RAPGEF1: variants seen among roughly 807,000 people sequenced by gnomAD.
The protein encoded by RAPGEF1 is Rap guanine nucleotide exchange factor 1, also known as CRK SH3-binding GNRP.
Under a neutral mutation model 143.3 loss-of-function variants are expected in RAPGEF1, and 33 were observed. The ratio of observed to expected loss-of-function variants is 0.23; its 90% CI spans 0.17 to 0.31. RAPGEF1 has a LOEUF of 0.31. RAPGEF1 is among the 10% of genes least tolerant of loss of function. The pLI is 1.00. For missense variants in RAPGEF1, 1,199 were observed against 1,645.4 expected (o/e 0.73, Z 4.69); for synonymous variants, 629 against 676.5 (o/e 0.93, Z 1.09).
In RAPGEF1 at chr9:131,737,628, C is replaced by T. The variant is rs575541415; in HGVS notation, c.61+2142G>A. 4.5e-5 allele frequency: 64 copies of T among 1,428,428 alleles called. No homozygotes were observed. In the African/African-American group the frequency reaches 8.0e-4, roughly 18 times the overall value. The allele number at this position is 1,428,428 out of a possible 1,614,324, so 88.5% of individuals were successfully genotyped here. On this transcript the variant is annotated intron_variant, in intron 1 of 26. Coordinates refer to ENST00000683357, the MANE Select transcript of RAPGEF1 (RefSeq NM_001377935.1). ...AAATGAAGAGTCATTTCATTCCCAG[C>T]GGTTTGGGCAGCTCATGGGATGACA...
At chr9:131,736,753 T>A (rs1166262265) in intron 1 of RAPGEF1, among the ~76,000 whole-genome samples, 1 of 152,218 alleles carries the variant, frequency 6.6e-6, no homozygotes, top group Non-Finnish European at 1.5e-5. Context: ...AAAACGCTGG[T>A]TCTTCTACTT....
chr9:131,733,365 C>CGGG (rs56890673), intron 1 of RAPGEF1, among the ~76,000 whole-genome samples: 2 of 75,286 alleles, frequency 2.7e-5, no homozygotes, highest in Admixed American at 1.4e-4. Flanking sequence ...GGGGCGGGGG[C>CGGG]GGGGGGGGGG....
intron 1 of RAPGEF1, among the ~76,000 whole-genome samples, chr9:131,657,121 C>A (rs959194965): frequency 2.0e-5 from 3 of 152,188 alleles, no homozygotes; most frequent in Admixed American, 2.0e-4. Context: ...TCACACTATG[C>A]CTTTGAGTGC....
rs547617690 is a variant in RAPGEF1 at position 131,583,032 on chromosome 9, T to C, written c.3415-330A>G. 6.6e-6 allele frequency among the ~76,000 whole-genome samples: 1 copy of C among 152,298 alleles called. No homozygotes were observed. Among genetic ancestry groups the C allele is most frequent in the East Asian group, 1.9e-4 (1 of 5,186 alleles). On this transcript the variant is annotated intron_variant, in intron 24 of 26. Transcript: ENST00000683357. This position sits in a 1 kb window ranked among gnomAD's most constrained non-coding sequence, Gnocchi z 4.7. ...CGGAAGATGGGCTCCTGCCTGGCCCTGTTCGGCGGTGCAGCCAGAGGAGCT... is the reference window on the plus strand; with the variant it reads ...CGGAAGATGGGCTCCTGCCTGGCCCCGTTCGGCGGTGCAGCCAGAGGAGCT...
chr9:131,709,682 A>G, intron 1 of RAPGEF1: 1 of 1,613,970 alleles, frequency 6.2e-7, no homozygotes, highest in Non-Finnish European at 8.5e-7. Context: ...AGCATTGCCC[A>G]TTTTAAAGCC....
intron 1 of RAPGEF1, among the ~76,000 whole-genome samples, chr9:131,673,661 A>C (rs1349755322): frequency 1.3e-5 from 2 of 152,190 alleles, no homozygotes; most frequent in Non-Finnish European, 2.9e-5. Context: ...CATTCCTATC[A>C]ACTCCATCTG....
chr9:131,634,314 C>T (rs534315848), intron 5 of RAPGEF1, among the ~76,000 whole-genome samples: 3 of 151,970 alleles, frequency 2.0e-5, no homozygotes, highest in African/African-American at 7.3e-5. Flanking sequence ...TGGAAACTGC[C>T]GACTGGTCAC....
chr9:131,727,273 T>G (rs1334792467), intron 1 of RAPGEF1, among the ~76,000 whole-genome samples: 2 of 152,170 alleles, frequency 1.3e-5, no homozygotes, highest in African/African-American at 4.8e-5. Flanking sequence ...CCCGGGTATT[T>G]GCGAATTCTC....
At chr9:131,603,078 G>A (rs1391103357) in intron 14 of RAPGEF1, among the ~76,000 whole-genome samples, 1 of 152,214 alleles carries the variant, frequency 6.6e-6, no homozygotes, top group Non-Finnish European at 1.5e-5. Context: ...CCACTGGAGT[G>A]GACACTCTTC....
intron 25 of RAPGEF1, among the ~76,000 whole-genome samples, chr9:131,581,424 C>T (rs1369926140): frequency 6.6e-6 from 1 of 151,466 alleles, no homozygotes; most frequent in Admixed American, 6.6e-5. Context: ...TGTGGTGACT[C>T]CTGCCTGTAA....
chr9:131,664,791 T>C (rs1301984047), intron 1 of RAPGEF1, among the ~76,000 whole-genome samples: 4 of 152,248 alleles, frequency 2.6e-5, no homozygotes, highest in Non-Finnish European at 5.9e-5. Flanking sequence ...GGTTATATTA[T>C]CATTTAATAT....
chr9:131,620,039 A>T (rs1474189261), intron 11 of RAPGEF1, among the ~76,000 whole-genome samples: 3 of 152,162 alleles, frequency 2.0e-5, no homozygotes, highest in Non-Finnish European at 4.4e-5. Flanking sequence ...GTAGAGCCAG[A>T]TGAGAGCCCT....
chr9:131,666,232 C>T (rs1830407949), intron 1 of RAPGEF1, among the ~76,000 whole-genome samples: 1 of 152,154 alleles, frequency 6.6e-6, no homozygotes, highest in African/African-American at 2.4e-5. Context: ...ACGCTTCAGC[C>T]TGGGTTACTA....
intron 1 of RAPGEF1, 114 bp downstream of exon 1, chr9:131,739,656 C>T: frequency 1.2e-6 from 1 of 825,384 alleles, no homozygotes; most frequent in Non-Finnish European, 1.5e-6. Context: ...GGCTTCACCC[C>T]GCCCCGGCGC....
intron 14 of RAPGEF1, among the ~76,000 whole-genome samples, chr9:131,602,762 G>C (rs1368018730): frequency 1.3e-5 from 2 of 151,852 alleles, no homozygotes; most frequent in Non-Finnish European, 1.5e-5. Flanking sequence ...TGGGGTGCCA[G>C]TCCCCTCTTC....
intron 1 of RAPGEF1, among the ~76,000 whole-genome samples, chr9:131,704,633 C>T (rs1270086149): frequency 6.6e-6 from 1 of 152,118 alleles, no homozygotes; most frequent in African/African-American, 2.4e-5. Flanking sequence ...ATTCAATTTG[C>T]AATTACTGCT....
At chr9:131,590,745 A>C (rs1050988611) in intron 18 of RAPGEF1, among the ~76,000 whole-genome samples, 1 of 152,228 alleles carries the variant, frequency 6.6e-6, no homozygotes, top group Admixed American at 6.5e-5. Context: ...CCCACAGCAC[A>C]GGGGTCGCCA....
In RAPGEF1 at chr9:131,626,029, T is replaced by C. The variant is rs755335903; in HGVS notation, c.1595A>G (p.His532Arg). ...APFAAILPFQ[H>R]GGSSAPVEFV... ...TTCGACAGGGGCTGAGGAACCTCCA[T>C]GCTGAAAGGGCAGAATAGCAGCAAA... Residue 532 changes from histidine to arginine, a missense_variant, in exon 10 of 27, where the codon CAT becomes CGT. Physicochemically the swap from His to Arg is conservative, Grantham distance 29 (BLOSUM62 0). This residue lies in a region of RAPGEF1 where 613 missense variants were observed against 710.9 expected (regional missense o/e 0.86). Transcript: ENST00000683357. The C allele has an allele frequency of 6.2e-7, 1 of 1,612,464 alleles. No homozygotes were observed. The highest frequency in any genetic ancestry group is 8.5e-7 in the Non-Finnish European group (1 of 1,178,594).
rs1022248467 is a variant in RAPGEF1 at position 131,621,326 on chromosome 9, G to A, written c.1905+470C>T. On this transcript the variant is annotated intron_variant, in intron 11 of 26. Coordinates refer to ENST00000683357, the MANE Select transcript of RAPGEF1 (RefSeq NM_001377935.1). This position sits in a 1 kb window ranked among gnomAD's most constrained non-coding sequence, Gnocchi z 4.5. ...CTTCAATGGCACTTGTTTTCCTTGG[G>A]CCCTCCCCGGCCAAGGCTGGGTTGT... Among the ~76,000 whole-genome samples, 4 of 152,200 alleles carry A rather than the reference G, an allele frequency of 2.6e-5. No homozygotes were observed. Among genetic ancestry groups the A allele is most frequent in the African/African-American group, 9.7e-5 (4 of 41,438 alleles).
Sources: allele counts gnomAD v4.1 joint callset (sites outside exome capture counted in the v4.1 genomes callset), GRCh38; gene constraint gnomAD v4.1.1; regional missense constraint gnomAD v4.1.1; non-coding constraint Gnocchi (gnomAD v3.1); transcripts MANE v1.5; gene names NCBI Gene and HGNC (gene_info 2026-07-23, HGNC 2026-07-21).